Variants in MAP3K12 observed in about 807,000 individuals in gnomAD.
MAP3K12 encodes MAPK-upstream kinase.
Under a neutral mutation model 87.5 loss-of-function variants are expected in MAP3K12, and 14 were observed. That is an observed-to-expected ratio of 0.16 (90% CI 0.11 to 0.25). The LOEUF is 0.25. MAP3K12 is among the 10% of genes least tolerant of loss of function. The pLI is 1.00. For synonymous variants in MAP3K12, 469 were observed against 452.5 expected, an observed-to-expected ratio of 1.04 and a Z score of -0.46; for missense variants, 802 against 1,140.4, an observed-to-expected ratio of 0.70 and a Z score of 4.27.
rs1943223101 is a variant in MAP3K12 at position 53,486,205 on chromosome 12, C to T, written c.672G>A (p.Glu224=). 6.2e-7 allele frequency: 1 copy of T among 1,613,062 alleles called. No homozygotes were observed. Among genetic ancestry groups the T allele is most frequent in the African/African-American group, 1.3e-5 (1 of 74,928 alleles). Residue 224 remains glutamate, a synonymous_variant, in exon 4 of 14, where the codon GAG becomes GAA. Transcript: ENST00000547488. This position sits in a 1 kb window ranked among gnomAD's most constrained non-coding sequence, Gnocchi z 4.9. Reference sequence around the variant, plus strand: ...CATACAGCTGGCCCTGGGCGCAGAACTCCATGAGGATGCAGTAGCAGGGAG... The same window carrying T: ...CATACAGCTGGCCCTGGGCGCAGAATTCCATGAGGATGCAGTAGCAGGGAG... ...TQAPCYCILM[E]FCAQGQLYEV...
intron 1 of MAP3K12, among the ~76,000 whole-genome samples, chr12:53,493,433 A>G (rs537219580): frequency 6.6e-6 from 1 of 152,100 alleles, no homozygotes; most frequent in South Asian, 2.1e-4. Flanking sequence ...GGGGTGCAGT[A>G]CCACAGGGAA....
Position 53,483,716 on chromosome 12 carries a change from G to C in MAP3K12, c.1366C>G (p.Leu456Val), listed in dbSNP as rs760060273. The change falls in exon 9 of 14, where the codon CTG becomes GTG. Residue 456 changes from leucine (L) to valine (V), a missense_variant. By Grantham distance (32) the Leu-to-Val change is conservative. Around this residue, in one of 5 missense-constraint regions of MAP3K12, gnomAD observed 99 missense variants for 193.4 expected, o/e 0.51. Transcript: ENST00000547488. ...MRRREELRHA[L>V]DIREHYERKL... ...CTTTCATAGTGCTCCCTGATGTCCA[G>C]GGCGTGTCTGCAACGGGCAGAAAGG... is the stretch of plus-strand genomic sequence containing the variant. 2 of 1,613,902 alleles carry C rather than the reference G, an allele frequency of 1.2e-6. No homozygotes were observed. The highest frequency in any genetic ancestry group is 1.3e-5 in the African/African-American group (1 of 75,032).
chr12:53,484,784 C>T, intron 6 of MAP3K12: 2 of 514,350 alleles, frequency 3.9e-6, no homozygotes, highest in Non-Finnish European at 6.9e-6. Context: ...TTATGCTGCT[C>T]CTTCCTTGTA....
chr12:53,482,853 T>G lies in MAP3K12; in HGVS notation c.1950A>C (p.Ala650=). The change falls in exon 11 of 14, where the codon GCA becomes GCC. Residue 650 remains alanine, a synonymous_variant. Transcript: ENST00000547488. ...SSSSPDLLSA[A]LGSRGRGATG... is the part of the protein sequence containing the mutation. ...TGGCCCCCCGGCCCCGGGACCCTAGTGCTGCTGACAGCAGGTCTGGGGACG... is the reference window on the plus strand; with the variant it reads ...TGGCCCCCCGGCCCCGGGACCCTAGGGCTGCTGACAGCAGGTCTGGGGACG... 1 of 1,612,954 alleles carries G rather than the reference T, an allele frequency of 6.2e-7. No homozygotes were observed. The highest frequency in any genetic ancestry group is 8.5e-7 in the Non-Finnish European group (1 of 1,179,518).
chr12:53,482,901 G>C lies in MAP3K12; in HGVS notation c.1902C>G (p.Leu634=), dbSNP rs752739965. The change falls in exon 11 of 14, where the codon CTC becomes CTG. Residue 634 remains leucine, a synonymous_variant. Transcript: ENST00000547488. ...PPALRGLHHD[L]LLRKMSSSSP... ...ACGATGAAGACATTTTGCGGAGCAG[G>C]AGGTCATGATGAAGCCCACGGAGGG... 15 of 1,611,190 alleles carry C rather than the reference G, an allele frequency of 9.3e-6. No homozygotes were observed. The Admixed American group carries it at 1.3e-4, about 14-fold the overall frequency.
At position 53,487,296 on chromosome 12, in the gene MAP3K12, G is replaced by C. The variant is rs765457165; in HGVS notation, c.96C>G (p.Asp32Glu). The C allele has an allele frequency of 6.2e-7, 1 of 1,614,080 alleles. No individual in the cohort carries two copies. Among genetic ancestry groups the C allele is most frequent in the Non-Finnish European group, 8.5e-7 (1 of 1,179,998 alleles). The change falls in exon 2 of 14, where the codon GAC becomes GAG. Residue 32 changes from aspartate (D) to glutamate (E), a missense_variant. By Grantham distance (45) the Asp-to-Glu change is conservative. Around this residue, in one of 5 missense-constraint regions of MAP3K12, gnomAD observed 135 missense variants for 151.6 expected, o/e 0.89. Transcript: ENST00000547488. ...CCTTCTCGGGAGTGCAGTCAGAAGT[G>C]TCTGGGTCCAGCTTGCGCATGGATG... ...SEASMRKLDP[D>E]TSDCTPEKDL...
rs754311401 is a variant in MAP3K12 at position 53,481,187 on chromosome 12, G to T, written c.2674C>A (p.Pro892Thr). Residue 892 changes from proline (P) to threonine (T), a missense_variant, in exon 14 of 14, where the codon CCA becomes ACA. Around this residue, in one of 5 missense-constraint regions of MAP3K12, gnomAD observed 490 missense variants for 496.6 expected, o/e 0.99. Transcript: ENST00000547488. ...DALRPPASLP[P>T] Reference sequence around the variant, plus strand: ...ACAAGGAATACGAGTGGCTTTCATGGAGGGAGGGAAGCTGGGGGCCGCAAG... The same window carrying T: ...ACAAGGAATACGAGTGGCTTTCATGTAGGGAGGGAAGCTGGGGGCCGCAAG... The T allele has an allele frequency of 6.6e-7, 1 of 1,509,208 alleles. No homozygotes were observed. The highest frequency in any genetic ancestry group is 1.3e-5 in the South Asian group (1 of 75,718). 93.5% of individuals were successfully genotyped at this position (1,509,208 alleles called of 1,614,324 possible).
chr12:53,498,990 GT>G (rs1943611137), intron 1 of MAP3K12, among the ~76,000 whole-genome samples: 1 of 59,526 alleles, frequency 1.7e-5, no homozygotes, highest in African/African-American at 6.0e-5. Flanking sequence ...GTGTGTGTGT[GT>G]GTGTGTGTGT....
chr12:53,497,438 CTGAA>C (rs1362890253), intron 1 of MAP3K12, among the ~76,000 whole-genome samples: 1 of 152,184 alleles, frequency 6.6e-6, no homozygotes, highest in African/African-American at 2.4e-5. Flanking sequence ...GGGCTCTATC[CTGAA>C]TGATCTTTAG....
In MAP3K12 at chr12:53,480,976, C is replaced by T. The variant is rs763211929; in HGVS notation, c.*206G>A. On this transcript the variant is annotated 3_prime_UTR_variant, in exon 14 of 14. Coordinates refer to ENST00000547488, the MANE Select transcript of MAP3K12 (RefSeq NM_001193511.2). ...GGGCTTGCCCTTAGCCACAGCTCTA[C>T]GGCTGTGCCTCATTCATTTCCACAG... 40 of 183,098 alleles carry T rather than the reference C, an allele frequency of 2.2e-4. No individual in the cohort carries two copies. The highest frequency in any genetic ancestry group is 5.6e-4 in the East Asian group (4 of 7,180). The allele number at this position is 183,098 out of a possible 1,614,324, so 11.3% of individuals were successfully genotyped here. A position where few individuals can be genotyped will look rare whatever the true frequency, so the allele number is the denominator to read the frequency against.
In MAP3K12 at chr12:53,486,606, G is replaced by C. The variant is rs749267230; in HGVS notation, c.462C>G (p.Pro154=). Residue 154 remains proline (P), a synonymous_variant, in exon 3 of 14, where the codon CCC becomes CCG. Coordinates refer to ENST00000547488, the MANE Select transcript of MAP3K12 (RefSeq NM_001193511.2). This position sits in a 1 kb window ranked among gnomAD's most constrained non-coding sequence, Gnocchi z 4.9. ...KQQQEDLWEV[P]FEEILDLQWV... ...ACTGCAGGTCCAGGATTTCCTCAAA[G>C]GGGACCTCCCAAAGGTCTGTGGGCA... 1.2e-6 allele frequency: 2 copies of C among 1,604,062 alleles called. No homozygotes were observed. The highest frequency in any genetic ancestry group is 2.2e-5 in the South Asian group (2 of 90,002).
Position 53,482,230 on chromosome 12 carries a change from G to A in MAP3K12, c.2310-19C>T, listed in dbSNP as rs367748541. 9.3e-6 allele frequency: 15 copies of A among 1,614,154 alleles called. No individual in the cohort carries two copies. In the African/African-American group the frequency reaches 1.7e-4, roughly 19 times the overall value. On this transcript the variant is annotated intron_variant, in intron 12 of 13. Coordinates refer to ENST00000547488, the MANE Select transcript of MAP3K12 (RefSeq NM_001193511.2). ...AGGCCACCTACATGTTGAAGAGGGG[G>A]ATTACAGCTTGGTTCTGCCCCTAGC...
Position 53,486,291 on chromosome 12 carries a change from T to C in MAP3K12, c.630-44A>G, listed in dbSNP as rs996722936. 9 of 1,560,244 alleles carry C rather than the reference T, an allele frequency of 5.8e-6. No homozygotes were observed. The highest frequency in any genetic ancestry group is 7.8e-6 in the Non-Finnish European group (9 of 1,150,600). On this transcript the variant is annotated intron_variant, in intron 3 of 13. Coordinates refer to ENST00000547488, the MANE Select transcript of MAP3K12 (RefSeq NM_001193511.2). This position sits in a 1 kb window ranked among gnomAD's most constrained non-coding sequence, Gnocchi z 4.9. ...TATGAAGGCCTCAGCTGGCTCAGCA[T>C]TCACCTGATTCATACCTGGAACCCC...
chr12:53,482,094 G>A lies in MAP3K12; in HGVS notation c.2427C>T (p.Gly809=), dbSNP rs767812288. ...EPSPSGTPEV[G]STNTDERPDE... ...CTGGCCGCTCATCAGTGTTGGTGCT[G>A]CCAACTTCAGGTGTGCCACTGGGGG... Residue 809 remains glycine, a synonymous_variant, in exon 13 of 14, where the codon GGC becomes GGT. Transcript: ENST00000547488. 6.2e-7 allele frequency: 1 copy of A among 1,614,228 alleles called. No homozygotes were observed. Among genetic ancestry groups the A allele is most frequent in the Non-Finnish European group, 8.5e-7 (1 of 1,180,046 alleles).
At chr12:53,482,533 G>A (rs1415406490) in intron 11 of MAP3K12, 32 bp downstream of exon 11, 2 of 1,595,408 alleles carry the variant, frequency 1.3e-6, no homozygotes, top group Non-Finnish European at 1.7e-6. Flanking sequence ...AAGGAAAAAG[G>A]GAAAGAGCTT....
Position 53,482,753 on chromosome 12 carries a change from C to A in MAP3K12, c.2050G>T (p.Gly684Cys). The A allele has an allele frequency of 6.2e-7, 1 of 1,613,996 alleles. No homozygotes were observed. The highest frequency in any genetic ancestry group is 1.1e-5 in the South Asian group (1 of 91,084). The change falls in exon 11 of 14, where the codon GGC (glycine) becomes TGC (cysteine). Residue 684 changes from glycine (G) to cysteine (C), a missense_variant. Gly to Cys is a radical substitution (Grantham distance 159). Around this residue, in one of 5 missense-constraint regions of MAP3K12, gnomAD observed 490 missense variants for 496.6 expected, o/e 0.99. Coordinates refer to ENST00000547488, the MANE Select transcript of MAP3K12 (RefSeq NM_001193511.2). ...CCAGGTGAATCTGGGCTGGTGGAGC[C>A]AGGGGCTGAGCCCTCACTTGGTGGG... ...DTPPSEGSAPGSTSPDSPGGA... is the reference protein window; with the variant it reads ...DTPPSEGSAPCSTSPDSPGGA...
intron 1 of MAP3K12, among the ~76,000 whole-genome samples, chr12:53,495,339 CAAAAAAAAAAA>C (rs10647631): frequency 2.6e-4 from 5 of 19,352 alleles, no homozygotes; most frequent in Admixed American, 9.8e-4. Flanking sequence ...ACTCTGTCTC[CAAAAAAAAAAA>C]AAAAAAAAAA....
At chr12:53,490,027 G>C (rs2137213205) in intron 1 of MAP3K12, among the ~76,000 whole-genome samples, 1 of 152,282 alleles carries the variant, frequency 6.6e-6, no homozygotes, top group African/African-American at 2.4e-5. Context: ...TGGGGGCCAG[G>C]TGTGGTGGCT....
rs751945240 is a variant in MAP3K12, at chr12:53,483,741, G to T, written c.1359-18C>A. The T allele has an allele frequency of 6.2e-7, 1 of 1,613,574 alleles. No individual in the cohort carries two copies. The highest frequency in any genetic ancestry group is 8.5e-7 in the Non-Finnish European group (1 of 1,179,996). On this transcript the variant is annotated intron_variant, in intron 8 of 13. Transcript: ENST00000547488. ...GGGCGTGTCTGCAACGGGCAGAAAG[G>T]TTCCCCAAGGTGAACTGGGTTCACC... is the stretch of plus-strand genomic sequence containing the variant.
Sources: gnomAD v4.1 joint callset for allele counts (sites outside exome capture counted in the v4.1 genomes callset) on GRCh38, gnomAD v4.1.1 for gene constraint, gnomAD v4.1.1 regional missense constraint, Gnocchi (gnomAD v3.1) non-coding constraint, MANE v1.5 for transcripts, NCBI Gene and HGNC (gene_info 2026-07-23, HGNC 2026-07-21) for gene names.